NOTCH2: variants seen among roughly 807,000 people sequenced by gnomAD.
NOTCH2 encodes the protein notch receptor 2, also known as neurogenic locus notch homolog protein 2.
NOTCH2 carries 29 observed loss-of-function variants against 235.8 expected under a neutral mutation model. The ratio of observed to expected loss-of-function variants is 0.12; its 90% CI spans 0.09 to 0.17. The LOEUF (loss-of-function observed/expected upper bound fraction) is 0.17. NOTCH2 is among the 10% of genes least tolerant of loss of function. NOTCH2 has a pLI of 1.00. For synonymous variants in NOTCH2, 1,086 were observed against 1,141.5 expected (o/e 0.95, Z 0.98); for missense variants, 2,285 against 3,150.2 (o/e 0.73, Z 6.57).
rs1648977047 is a variant in NOTCH2 at position 119,913,968 on chromosome 1, G to A, written c.*1338C>T. 4.3e-6 allele frequency: 1 copy of A among 232,988 alleles called. No homozygotes were observed. The highest frequency in any genetic ancestry group is 8.5e-6 in the Non-Finnish European group (1 of 117,882). The allele number at this position is 232,988 out of a possible 1,614,324, so 14.4% of individuals were successfully genotyped here. On this transcript the variant is annotated 3_prime_UTR_variant, in exon 34 of 34. Transcript: ENST00000256646. ...CATGTCTTCAGTGAGAACATACTGG[G>A]TATACCAGTAACACGGACCACACGG...
chr1:119,949,239 T>G, intron 15 of NOTCH2, 113 bp from the exon 16 acceptor site: 7 of 1,095,270 alleles, frequency 6.4e-6, no homozygotes, highest in Non-Finnish European at 9.7e-6. Context: ...TAAGAGGCTT[T>G]GAAAATGGAG....
Position 119,929,133 on chromosome 1 carries a change from A to G in NOTCH2, c.3735T>C (p.Ile1245=). The change falls in exon 23 of 34, where the codon ATT becomes ATC. Residue 1245 remains isoleucine, a synonymous_variant. Coordinates refer to ENST00000256646, the MANE Select transcript of NOTCH2 (RefSeq NM_024408.4). ...GCAAGCAGCGACAACTGTAGCCTCCAATCCTATCCATGCACTGACCACCAT... is the reference window on the plus strand; with the variant it reads ...GCAAGCAGCGACAACTGTAGCCTCCGATCCTATCCATGCACTGACCACCAT... ...CLNGGQCMDR[I]GGYSCRCLPG... 2 of 1,614,242 alleles carry G rather than the reference A, an allele frequency of 1.2e-6. No individual in the cohort carries two copies. The highest frequency in any genetic ancestry group is 8.5e-7 in the Non-Finnish European group (1 of 1,180,034).
intron 12 of NOTCH2, among the ~76,000 whole-genome samples, chr1:119,958,987 AGTAT>A (rs1650831750): frequency 6.6e-6 from 1 of 152,148 alleles, no homozygotes; most frequent in Admixed American, 6.5e-5. Flanking sequence ...TTCTACCTTG[AGTAT>A]GTCAAAGAGG....
rs1553199690 is a variant in NOTCH2 at position 119,966,478 on chromosome 1, C to A, written c.1465G>T (p.Val489Leu). The A allele has an allele frequency of 6.8e-6, 11 of 1,612,550 alleles. No homozygotes were observed. The Admixed American group carries it at 1.7e-4, about 24-fold the overall frequency. ...TCATTTATTTCTAATTCACAATGCA[C>A]ACCTTTGAAACCTAAACAAAACAGA... ...TCLCMPGFKG[V>L]HCELEINECQ... Residue 489 changes from valine (V) to leucine (L), a missense_variant, in exon 9 of 34, where the codon GTG (valine) becomes TTG (leucine). Val to Leu is a conservative substitution (Grantham distance 32). Around this residue, in one of 6 missense-constraint regions of NOTCH2, gnomAD observed 431 missense variants for 757.8 expected, o/e 0.57. Coordinates refer to ENST00000256646, the MANE Select transcript of NOTCH2 (RefSeq NM_024408.4).
Position 120,029,930 on chromosome 1 carries a change from T to C in NOTCH2, c.131A>G (p.Tyr44Cys). ...PCVNEGMCVT[Y>C]HNGTGYCKCP... ...CTTGCAGTATCCTGTGCCATTGTGG[T>C]AGGTAACACACATTCCTTCATTTAC... is the stretch of plus-strand genomic sequence containing the variant. The change falls in exon 2 of 34, where the codon TAC becomes TGC. Residue 44 changes from tyrosine to cysteine, a missense_variant. Tyr to Cys is a radical substitution (Grantham distance 194). This residue lies in a region of NOTCH2 where 12 missense variants were observed against 51.7 expected (regional missense o/e 0.23). Transcript: ENST00000256646. 7.0e-6 allele frequency: 5 copies of C among 716,622 alleles called. No homozygotes were observed. Among genetic ancestry groups the C allele is most frequent in the Non-Finnish European group, 1.2e-5 (5 of 412,636 alleles). 44.4% of individuals were successfully genotyped at this position (716,622 alleles called of 1,614,324 possible).
rs782139286 is a variant in NOTCH2 at position 119,955,092 on chromosome 1, C to T, written c.2167G>A (p.Glu723Lys). 12 of 1,614,108 alleles carry T rather than the reference C, an allele frequency of 7.4e-6. No homozygotes were observed. Among genetic ancestry groups the T allele is most frequent in the South Asian group, 2.2e-5 (2 of 91,080 alleles). The change falls in exon 13 of 34, where the codon GAA (glutamate) becomes AAA (lysine). Residue 723 changes from glutamate to lysine, a missense_variant. Coordinates refer to ENST00000256646, the MANE Select transcript of NOTCH2 (RefSeq NM_024408.4). Reference sequence around the variant, plus strand: ...TGGATGCAGGGATTGCTCAGGCATTCGTTCACCTGTGAGTAGCAGCTGGGG... The same window carrying T: ...TGGATGCAGGGATTGCTCAGGCATTTGTTCACCTGTGAGTAGCAGCTGGGG... Reference protein sequence around the residue: ...HHPSCYSQVNECLSNPCIHGN... With the variant: ...HHPSCYSQVNKCLSNPCIHGN...
At position 119,911,890 on chromosome 1, in the gene NOTCH2, CATTT is replaced by C. The variant is rs1216427808; in HGVS notation, c.*3412_*3415del. On this transcript the variant is annotated 3_prime_UTR_variant, in exon 34 of 34. Coordinates refer to ENST00000256646, the MANE Select transcript of NOTCH2 (RefSeq NM_024408.4). ...TTGACAGATGCTTTTTCCCCAGGAT[CATTT>C]ATTTATGATCTAATTAAAGGAAGAA... is the stretch of plus-strand genomic sequence containing the variant. 8.6e-6 allele frequency: 2 copies of C among 233,016 alleles called. No individual in the cohort carries two copies. The highest frequency in any genetic ancestry group is 1.7e-5 in the Non-Finnish European group (2 of 118,034). The allele number at this position is 233,016 out of a possible 1,614,324, so 14.4% of individuals were successfully genotyped here.
chr1:119,984,186 T>C (rs1553201972), intron 5 of NOTCH2, among the ~76,000 whole-genome samples: 1 of 152,080 alleles, frequency 6.6e-6, no homozygotes, highest in Non-Finnish European at 1.5e-5. Context: ...ACACATGGAG[T>C]AAATCACCAA....
chr1:119,922,487 T>C lies in NOTCH2; in HGVS notation c.5003-41A>G, dbSNP rs201558195. Reference sequence around the variant, plus strand: ...GACAGGGAAAGTGCTGAATAAAACATTAACCTCTCAATGTCAGCATTAGAT... The same window carrying C: ...GACAGGGAAAGTGCTGAATAAAACACTAACCTCTCAATGTCAGCATTAGAT... On this transcript the variant is annotated intron_variant, in intron 27 of 33. Coordinates refer to ENST00000256646, the MANE Select transcript of NOTCH2 (RefSeq NM_024408.4). 7 of 1,597,072 alleles carry C rather than the reference T, an allele frequency of 4.4e-6. No homozygotes were observed. The East Asian group carries it at 6.7e-5, about 15-fold the overall frequency.
intron 1 of NOTCH2, among the ~76,000 whole-genome samples, chr1:120,064,816 G>T (rs1456745623): frequency 6.8e-6 from 1 of 147,054 alleles, no homozygotes; most frequent in African/African-American, 2.5e-5. Context: ...GTACAAGTTT[G>T]CAATATCCAA....
chr1:119,999,719 T>C (rs1450024430), intron 3 of NOTCH2, among the ~76,000 whole-genome samples: 1 of 152,008 alleles, frequency 6.6e-6, no homozygotes, highest in African/African-American at 2.4e-5. Flanking sequence ...CCATCTTTTC[T>C]AAAAATACAA....
chr1:119,919,183 G>A (rs1430406449), intron 31 of NOTCH2, 129 bp downstream of exon 31: 3 of 1,031,874 alleles, frequency 2.9e-6, no homozygotes, highest in Non-Finnish European at 2.9e-6. Flanking sequence ...TACCAAGCAT[G>A]ACTCTAATAC....
chr1:119,966,644 C>T (rs1258619394), intron 8 of NOTCH2, among the ~76,000 whole-genome samples, 155 bp from the exon 9 acceptor site: 3 of 152,006 alleles, frequency 2.0e-5, no homozygotes, highest in Non-Finnish European at 4.4e-5. Context: ...ATAGTCACTC[C>T]AAGTGTCAAG....
Position 119,925,702 on chromosome 1 carries a change from G to A in NOTCH2, c.4114C>T (p.Arg1372Trp), listed in dbSNP as rs587778575. Residue 1372 changes from arginine to tryptophan, a missense_variant, in exon 25 of 34, where the codon CGG (arginine) becomes TGG (tryptophan). Around this residue, in one of 6 missense-constraint regions of NOTCH2, gnomAD observed 1,173 missense variants for 1,515.3 expected, o/e 0.77. Transcript: ENST00000256646. ...CTGGCACAGCCTGACTCGCAGTCCCGGGGACTGGGGCAGAAGCAGCGGGGT... is the reference window on the plus strand; with the variant it reads ...CTGGCACAGCCTGACTCGCAGTCCCAGGGACTGGGGCAGAAGCAGCGGGGT... ...SGPRCFCPSP[R>W]DCESGCASSP... is the part of the protein sequence containing the mutation. 8.4e-5 allele frequency: 135 copies of A among 1,612,504 alleles called. No homozygotes were observed. The highest frequency in any genetic ancestry group is 1.9e-4 in the African/African-American group (14 of 75,006).
chr1:119,945,697 TAG>T (rs1422836993), intron 17 of NOTCH2, among the ~76,000 whole-genome samples: 10 of 152,074 alleles, frequency 6.6e-5, no homozygotes, highest in African/African-American at 2.4e-4. Flanking sequence ...CACTTAAGAT[TAG>T]AGTTTCAAAA....
chr1:119,937,840 A>C lies in NOTCH2; in HGVS notation c.3337+17T>G. 6.2e-7 allele frequency: 1 copy of C among 1,614,108 alleles called. No individual in the cohort carries two copies. Among genetic ancestry groups the C allele is most frequent in the South Asian group, 1.1e-5 (1 of 91,082 alleles). On this transcript the variant is annotated intron_variant, in intron 20 of 33. Transcript: ENST00000256646. ...ATACTGCAGTGAATGACCTGAGCCC[A>C]AGGGAGCAAAGCTTACCTCTCCTGG...
intron 32 of NOTCH2, 134 bp downstream of exon 32, chr1:119,918,272 C>CA (rs758897235): frequency 9.9e-7 from 1 of 1,007,942 alleles, no homozygotes; most frequent in Non-Finnish European, 1.5e-6. Context: ...TAAATAAATG[C>CA]ATGAATGAAA....
At chr1:119,926,420 C>T in intron 24 of NOTCH2, 79 bp downstream of exon 24, 1 of 1,111,768 alleles carries the variant, frequency 9.0e-7, no homozygotes, top group Middle Eastern at 2.4e-4. Context: ...ATTGGTAAAA[C>T]CAGGTTTAAT....
At position 120,069,644 on chromosome 1, in the gene NOTCH2, G is replaced by A. The variant is rs1255666447; in HGVS notation, c.-238C>T. 39 of 1,387,228 alleles carry A rather than the reference G, an allele frequency of 2.8e-5. No homozygotes were observed. The South Asian group carries it at 5.6e-4, about 20-fold the overall frequency. The allele number at this position is 1,387,228 out of a possible 1,614,324, so 85.9% of individuals were successfully genotyped here. A position where few individuals can be genotyped will look rare whatever the true frequency, so the allele number is the denominator to read the frequency against. On this transcript the variant is annotated 5_prime_UTR_variant, in exon 1 of 34. Transcript: ENST00000256646. Reference sequence around the variant, plus strand: ...CGAAGTTTGGCTGAAACTTTCTCGGGTGTGCAACGAAGCAGCCTCGTGTGT... The same window carrying A: ...CGAAGTTTGGCTGAAACTTTCTCGGATGTGCAACGAAGCAGCCTCGTGTGT...
Sources: gnomAD v4.1 joint callset for allele counts (sites outside exome capture counted in the v4.1 genomes callset) on GRCh38, gnomAD v4.1.1 for gene constraint, gnomAD v4.1.1 regional missense constraint, MANE v1.5 for transcripts, NCBI Gene and HGNC (gene_info 2026-07-23, HGNC 2026-07-21) for gene names.